The following NAALADL2 variants were observed in gnomAD, a reference collection of about 807,000 sequenced individuals.
The protein encoded by NAALADL2 is N-acetylated alpha-linked acidic dipeptidase like 2, also known as inactive N-acetylated-alpha-linked acidic dipeptidase-like protein 2.
A neutral mutation model predicts 87.2 loss-of-function variants in NAALADL2; 76 were observed. The ratio of observed to expected loss-of-function variants is 0.87; its 90% confidence interval spans 0.72 to 1.05. The LOEUF (loss-of-function observed/expected upper bound fraction) is 1.05. Ranked by LOEUF, NAALADL2 falls within the 50% of genes least tolerant of loss-of-function variation. The probability of loss-of-function intolerance (pLI) is 0.00; values close to 1 mark genes in which losing one functional copy is unlikely to be tolerated. For missense variants in NAALADL2, 1,089 were observed against 945.8 expected, an observed-to-expected ratio of 1.15 and a Z score of -1.99; for synonymous variants, 354 against 331.0, an observed-to-expected ratio of 1.07 and a Z score of -0.75.
chr3:175,199,806 TA>T lies in NAALADL2; in HGVS notation c.546-34124del, dbSNP rs1171768980. On this transcript the variant is annotated intron_variant, in intron 2 of 13. Transcript: ENST00000454872. ...TATCTTCTTAATCTTTTTCTTTGTG[TA>T]GGGGGGAAAGAAATATATATATATA... Among the ~76,000 whole-genome samples the T allele has an allele frequency of 2.7e-5, 3 of 112,048 alleles. No individual in the cohort carries two copies. The East Asian group carries it at 9.0e-4, about 34-fold the overall frequency. The allele number at this position is 112,048 out of a possible 152,430, so 73.5% of individuals were successfully genotyped here. A position where few individuals can be genotyped will look rare whatever the true frequency, so the allele number is the denominator to read the frequency against.
chr3:174,707,364 A>T (rs1015607077), intron 2 of NAALADL2, among the ~76,000 whole-genome samples: 1 of 152,118 alleles, frequency 6.6e-6, no homozygotes, highest in African/African-American at 2.4e-5. Flanking sequence ...TATTGTGGCA[A>T]TATTCACAAT....
At chr3:175,469,791 T>C (rs1211523911) in intron 8 of NAALADL2, among the ~76,000 whole-genome samples, 3 of 152,036 alleles carry the variant, frequency 2.0e-5, no homozygotes, top group African/African-American at 7.2e-5. Context: ...TACTAATGCC[T>C]ATCTTATGAG....
chr3:175,071,717 A>G (rs1715677124), intron 1 of NAALADL2, among the ~76,000 whole-genome samples: 1 of 152,048 alleles, frequency 6.6e-6, no homozygotes, highest in African/African-American at 2.4e-5. Context: ...AGCTTAGGGT[A>G]TTTGTTGGAA....
chr3:175,146,635 T>A (rs1730785847), intron 2 of NAALADL2, among the ~76,000 whole-genome samples: 1 of 152,112 alleles, frequency 6.6e-6, no homozygotes, highest in African/African-American at 2.4e-5. Flanking sequence ...ATGGCTTCAA[T>A]CACATGAACT....
chr3:175,802,680 AG>A (rs1754322833), intron 13 of NAALADL2, among the ~76,000 whole-genome samples: 1 of 147,200 alleles, frequency 6.8e-6, no homozygotes, highest in Admixed American at 6.6e-5. Flanking sequence ...TGTATTTATA[AG>A]CAATTAAATC....
At chr3:175,175,371 A>T (rs1384556989) in intron 2 of NAALADL2, among the ~76,000 whole-genome samples, 1 of 152,076 alleles carries the variant, frequency 6.6e-6, no homozygotes, top group African/African-American at 2.4e-5. Context: ...TCAGTATTAA[A>T]CAACTTTTTT....
intron 2 of NAALADL2, among the ~76,000 whole-genome samples, chr3:175,140,590 A>G (rs534411127): frequency 5.9e-5 from 9 of 152,232 alleles, no homozygotes; most frequent in African/African-American, 2.2e-4. Flanking sequence ...GCACAGAGTG[A>G]AAAATACATA....
chr3:174,550,077 A>G (rs746613033), intron 1 of NAALADL2, among the ~76,000 whole-genome samples: 26 of 152,238 alleles, frequency 1.7e-4, no homozygotes, highest in Admixed American at 3.9e-4. Flanking sequence ...TTACAAATGT[A>G]ATGTTCATAT....
At chr3:174,630,147 T>A (rs1721967802) in intron 2 of NAALADL2, among the ~76,000 whole-genome samples, 1 of 152,176 alleles carries the variant, frequency 6.6e-6, no homozygotes, top group Non-Finnish European at 1.5e-5. Flanking sequence ...AATATAATAA[T>A]TTTTCATTTT....
At chr3:175,765,828 C>T (rs907560820) in intron 13 of NAALADL2, among the ~76,000 whole-genome samples, 1 of 152,102 alleles carries the variant, frequency 6.6e-6, no homozygotes, top group Admixed American at 6.6e-5. Flanking sequence ...ATTTGTAACA[C>T]TTCTAACAAT....
intron 3 of NAALADL2, among the ~76,000 whole-genome samples, chr3:174,811,054 G>A (rs1455408765): frequency 1.3e-5 from 2 of 152,198 alleles, no homozygotes; most frequent in East Asian, 3.9e-4. Context: ...GAGTGCAAGA[G>A]TTGAAAATTA....
At chr3:175,473,644 G>T (rs987540552) in intron 9 of NAALADL2, among the ~76,000 whole-genome samples, 1 of 151,058 alleles carries the variant, frequency 6.6e-6, no homozygotes, top group African/African-American at 2.4e-5. Flanking sequence ...AATATATAAA[G>T]GTTTATACAT....
chr3:175,400,009 G>A (rs1250149862), intron 5 of NAALADL2, among the ~76,000 whole-genome samples: 1 of 152,030 alleles, frequency 6.6e-6, no homozygotes, highest in Admixed American at 6.6e-5. Context: ...AACATGTTGA[G>A]AGCAAAGTTG....
chr3:174,660,806 G>A (rs1725435295), intron 2 of NAALADL2, among the ~76,000 whole-genome samples: 1 of 151,896 alleles, frequency 6.6e-6, no homozygotes, highest in Non-Finnish European at 1.5e-5. Flanking sequence ...TTGGAGGAAG[G>A]GCAATAATAT....
At chr3:175,522,484 T>G (rs1732788508) in intron 9 of NAALADL2, among the ~76,000 whole-genome samples, 1 of 152,152 alleles carries the variant, frequency 6.6e-6, no homozygotes, top group Non-Finnish European at 1.5e-5. Context: ...TCTGGGTTAG[T>G]GTGCTTTTCA....
chr3:174,485,449 A>ACC (rs1189259978), intron 1 of NAALADL2, among the ~76,000 whole-genome samples: 1 of 146,118 alleles, frequency 6.8e-6, no homozygotes, highest in African/African-American at 2.5e-5. Flanking sequence ...TCCTCCACCC[A>ACC]CCCCCCTCTC....
chr3:175,752,492 G>A (rs1746736070), intron 12 of NAALADL2, among the ~76,000 whole-genome samples: 2 of 152,124 alleles, frequency 1.3e-5, no homozygotes, highest in Admixed American at 1.3e-4. Flanking sequence ...GAACAAGCAA[G>A]CTCTAATTGG....
chr3:174,534,104 C>A lies in NAALADL2; in HGVS notation c.-183-16465C>A, dbSNP rs146442165. On this transcript the variant is annotated intron_variant, in intron 1 of 3. Transcript: ENST00000434257. ...ATATAAAAATTGGAACAAATTAGTA[C>A]TTACAAAAAAGTATTTAAAGGGCAG... Among the ~76,000 whole-genome samples the A allele has an allele frequency of 4.6e-3, 699 of 152,132 alleles. 5 individuals are homozygous for A. The highest frequency in any genetic ancestry group is 0.015 in the African/African-American group (637 of 41,504).
chr3:174,600,519 A>G lies in NAALADL2; in HGVS notation c.-115+49882A>G, dbSNP rs187518305. ...TTTAAAATTTAAGATTTGTCTTTGA[A>G]GAGTCAAATATAATTCTTATTTAAA... On this transcript the variant is annotated intron_variant, in intron 2 of 3. Transcript: ENST00000434257. Among the ~76,000 whole-genome samples the G allele has an allele frequency of 8.1e-3, 1,227 of 152,254 alleles. 10 individuals are homozygous for G. Among genetic ancestry groups the G allele is most frequent in the Non-Finnish European group, 0.013 (863 of 67,998 alleles).
Sources: gnomAD v4.1 joint callset for allele counts (sites outside exome capture counted in the v4.1 genomes callset) on GRCh38, gnomAD v4.1.1 for gene constraint, MANE v1.5 for transcripts, NCBI Gene and HGNC (gene_info 2026-07-23, HGNC 2026-07-21) for gene names.